CCDC60: variants seen among roughly 807,000 people sequenced by gnomAD.
The protein encoded by CCDC60 is coiled-coil domain containing 60.
A neutral mutation model predicts 63.5 loss-of-function variants in CCDC60; 54 were observed. The ratio of observed to expected loss-of-function variants is 0.85; its 90% CI spans 0.68 to 1.07. The LOEUF (loss-of-function observed/expected upper bound fraction) is 1.07. Ranked by LOEUF, CCDC60 falls within the 50% of genes least tolerant of loss-of-function variation. CCDC60 has a pLI of 0.00. For missense variants in CCDC60, 651 were observed against 684.3 expected, an observed-to-expected ratio of 0.95 and a Z score of 0.54; for synonymous variants, 206 against 238.8, an observed-to-expected ratio of 0.86 and a Z score of 1.27.
At chr12:119,537,798 A>G (rs939719077) in intron 13 of CCDC60, among the ~76,000 whole-genome samples, 1 of 152,042 alleles carries the variant, frequency 6.6e-6, no homozygotes, top group Non-Finnish European at 1.5e-5. Flanking sequence ...CTTCGTCCCA[A>G]AGGGGCGCCC....
In CCDC60 at chr12:119,519,705, C is replaced by T. The variant is rs1048559729; in HGVS notation, c.969-416C>T. Among the ~76,000 whole-genome samples the T allele has an allele frequency of 4.6e-5, 7 of 152,050 alleles. No individual in the cohort carries two copies. In the South Asian group the frequency reaches 6.2e-4, roughly 14 times the overall value. ...CTGGAACTCCTGACCTCAAGTGATC[C>T]GCTTGCCTTGCCCTCCCAAAGTGCT... is the stretch of plus-strand genomic sequence containing the variant. On this transcript the variant is annotated intron_variant, in intron 8 of 13. Coordinates refer to ENST00000327554, the MANE Select transcript of CCDC60 (RefSeq NM_178499.5).
Position 119,522,958 on chromosome 12 carries a change from A to G in CCDC60, c.1060A>G (p.Ser354Gly). Residue 354 changes from serine (S) to glycine (G), a missense_variant, in exon 10 of 14, where the codon AGT (serine) becomes GGT (glycine). Transcript: ENST00000327554. ...TTTCAGTGAGAGATCCAGCAGTACA[A>G]GTGCAGAAAGCCACATCCAACCAGT... ...LKSSERSSST[S>G]AESHIQPVQK... 6.2e-7 allele frequency: 1 copy of G among 1,614,212 alleles called. No homozygotes were observed. Among genetic ancestry groups the G allele is most frequent in the South Asian group, 1.1e-5 (1 of 91,084 alleles).
At chr12:119,440,222 ATAAAAT>A (rs1284964844) in intron 2 of CCDC60, among the ~76,000 whole-genome samples, 2 of 152,152 alleles carry the variant, frequency 1.3e-5, no homozygotes, top group South Asian at 2.1e-4. Flanking sequence ...AGAACTGAAA[ATAAAAT>A]TAAAATAAAA....
intron 1 of CCDC60, among the ~76,000 whole-genome samples, chr12:119,387,033 C>T (rs1430382421): frequency 8.1e-6 from 1 of 123,804 alleles, no homozygotes; most frequent in African/African-American, 3.5e-5. Context: ...CTCTGTCTCT[C>T]TCACACACAC....
intron 1 of CCDC60, among the ~76,000 whole-genome samples, chr12:119,337,824 T>TTGTGTGTGTGTGTGTGTG (rs60009617): frequency 2.1e-5 from 3 of 140,548 alleles, no homozygotes; most frequent in Non-Finnish European, 3.2e-5. Context: ...GTGTGTGTAT[T>TTGTGTGTGTGTGTGTGTG]TGTGTGTGTG....
rs146415894 is a variant in CCDC60 at position 119,530,921 on chromosome 12, G to A, written c.1409G>A (p.Arg470His). 139 of 1,614,080 alleles carry A rather than the reference G, an allele frequency of 8.6e-5. 1 individual carries two copies. The highest frequency in any genetic ancestry group is 3.8e-4 in the East Asian group (17 of 44,872). The change falls in exon 13 of 14, where the codon CGC (arginine) becomes CAC (histidine). Residue 470 changes from arginine to histidine, a missense_variant. Arg to His is a conservative substitution (Grantham distance 29). Transcript: ENST00000327554. The part of the protein sequence containing the change: ...SKLPEDLKNF[R>H]PAKKILVKLQ... ...CTGCCAGAGGATCTAAAGAACTTCC[G>A]CCCCGCCAAAAAGATCCTGGTGAAA...
At chr12:119,386,219 C>T (rs993726510) in intron 1 of CCDC60, among the ~76,000 whole-genome samples, 1 of 152,170 alleles carries the variant, frequency 6.6e-6, no homozygotes, top group African/African-American at 2.4e-5. Flanking sequence ...ACCATTCCTC[C>T]CACCTCATCT....
intron 5 of CCDC60, among the ~76,000 whole-genome samples, chr12:119,489,552 C>A (rs1048466931): frequency 6.6e-6 from 1 of 152,150 alleles, no homozygotes. Flanking sequence ...GTTGCAGGAA[C>A]AGCATTGTAC....
At chr12:119,406,204 TAGAG>T (rs34447665) in intron 1 of CCDC60, among the ~76,000 whole-genome samples, 17 of 145,210 alleles carry the variant, frequency 1.2e-4, no homozygotes, top group East Asian at 6.0e-4. Flanking sequence ...TATATATATA[TAGAG>T]AGAGAGAGAG....
chr12:119,398,224 G>T (rs969752259), intron 1 of CCDC60, among the ~76,000 whole-genome samples: 2 of 151,654 alleles, frequency 1.3e-5, no homozygotes, highest in Non-Finnish European at 2.9e-5. Context: ...ATTTGAGTGC[G>T]GTGCGGGCAG....
chr12:119,407,403 G>C (rs1057397279), intron 1 of CCDC60, among the ~76,000 whole-genome samples: 24 of 152,198 alleles, frequency 1.6e-4, no homozygotes, highest in African/African-American at 4.8e-4. Context: ...ATGGTGGCAC[G>C]TGCCTGTGGT....
At chr12:119,492,692 G>A (rs779372128) in intron 5 of CCDC60, among the ~76,000 whole-genome samples, 6 of 152,150 alleles carry the variant, frequency 3.9e-5, no homozygotes, top group Non-Finnish European at 5.9e-5. Flanking sequence ...CTTAATAGCT[G>A]TGTGACCTTG....
At chr12:119,458,872 G>A (rs566238856) in intron 2 of CCDC60, among the ~76,000 whole-genome samples, 31 of 152,040 alleles carry the variant, frequency 2.0e-4, no homozygotes, top group African/African-American at 5.3e-4. Context: ...TCAGCCCCCC[G>A]AGTAGCTGGA....
chr12:119,504,250 A>G (rs1400514831), intron 6 of CCDC60, among the ~76,000 whole-genome samples: 1 of 152,156 alleles, frequency 6.6e-6, no homozygotes, highest in Non-Finnish European at 1.5e-5. Flanking sequence ...CCTCGCTGAA[A>G]CTTGGATCAT....
At chr12:119,484,649 G>A (rs1469737553) in intron 4 of CCDC60, among the ~76,000 whole-genome samples, 2 of 152,002 alleles carry the variant, frequency 1.3e-5, no homozygotes, top group Non-Finnish European at 2.9e-5. Flanking sequence ...GGAGGCAGAG[G>A]CTGCAGTGTG....
chr12:119,528,589 T>C, intron 11 of CCDC60, 26 bp from the exon 12 acceptor site: 1 of 1,600,974 alleles, frequency 6.2e-7, no homozygotes, highest in Non-Finnish European at 8.5e-7. Flanking sequence ...CTCATTCTTC[T>C]CTCTCTTTCT....
chr12:119,522,959 G>A lies in CCDC60; in HGVS notation c.1061G>A (p.Ser354Asn), dbSNP rs377287374. ...LKSSERSSST[S>N]AESHIQPVQK... is the part of the protein sequence containing the mutation. ...TTCAGTGAGAGATCCAGCAGTACAA[G>A]TGCAGAAAGCCACATCCAACCAGTC... The change falls in exon 10 of 14, where the codon AGT becomes AAT. Residue 354 changes from serine to asparagine, a missense_variant. Coordinates refer to ENST00000327554, the MANE Select transcript of CCDC60 (RefSeq NM_178499.5). 7 of 1,614,066 alleles carry A rather than the reference G, an allele frequency of 4.3e-6. No individual in the cohort carries two copies. The African/African-American group carries it at 9.3e-5, about 22-fold the overall frequency.
chr12:119,515,402 C>A (rs1013982691), intron 7 of CCDC60, among the ~76,000 whole-genome samples: 2 of 151,468 alleles, frequency 1.3e-5, no homozygotes, highest in Non-Finnish European at 2.9e-5. Flanking sequence ...CTCACTGCAG[C>A]CTTGACTTCC....
chr12:119,491,999 A>G (rs1024816859), intron 5 of CCDC60, among the ~76,000 whole-genome samples: 1 of 152,216 alleles, frequency 6.6e-6, no homozygotes, highest in African/African-American at 2.4e-5. Context: ...TCACATTGAG[A>G]GTAGCAGATG....
Sources: allele counts gnomAD v4.1 joint callset (sites outside exome capture counted in the v4.1 genomes callset), GRCh38; gene constraint gnomAD v4.1.1; transcripts MANE v1.5; gene names NCBI Gene and HGNC (gene_info 2026-07-23, HGNC 2026-07-21).